The following ARNT variants were observed in gnomAD, a reference collection of about 807,000 sequenced individuals.
ARNT encodes aryl hydrocarbon receptor nuclear translocator, also known as class E basic helix-loop-helix protein 2.
ARNT carries 30 observed loss-of-function variants against 105.0 expected under a neutral mutation model. The observed-to-expected ratio is 0.29, with a 90% CI of 0.21 to 0.39. ARNT has a LOEUF of 0.39. Among genes scored for constraint, ARNT ranks in the 10% least tolerant of loss-of-function variants. The pLI is 1.00. For synonymous variants in ARNT, 304 were observed against 344.0 expected (o/e 0.88, Z 1.29); for missense variants, 748 against 978.7 (o/e 0.76, Z 3.15).
Position 150,814,251 on chromosome 1 carries a change from T to C in ARNT, c.1951-12A>G, listed in dbSNP as rs752600161. 31 of 1,613,340 alleles carry C rather than the reference T, an allele frequency of 1.9e-5. No individual in the cohort carries two copies. The African/African-American group carries it at 3.9e-4, about 20-fold the overall frequency. ...TGGGTAGCCACCTGCTAAAGAGAGA[T>C]GGAGAGGGGATATAGAACAAATACA... On this transcript the variant is annotated splice_polypyrimidine_tract_variant and intron_variant, in intron 19 of 21. Transcript: ENST00000358595.
intron 5 of ARNT, among the ~76,000 whole-genome samples, chr1:150,841,842 G>A (rs1045319391): frequency 1.3e-5 from 2 of 152,148 alleles, no homozygotes; most frequent in African/African-American, 4.8e-5. Flanking sequence ...TTTCTGACAC[G>A]TAAGTACAGA....
rs779585971 is a variant in ARNT at position 150,813,242 on chromosome 1, CGAT to C, written c.2207_2209del (p.His736del). On this transcript the variant is annotated inframe_deletion, in exon 21 of 22. Transcript: ENST00000358595. ...AACATGTTGCTCACTAGAACTTGAA[CGAT>C]GATGAGGCTGCTGGCCCTGCCACTG... The C allele has an allele frequency of 6.2e-7, 1 of 1,613,892 alleles. No individual in the cohort carries two copies. Among genetic ancestry groups the C allele is most frequent in the South Asian group, 1.1e-5 (1 of 90,994 alleles).
At position 150,816,900 on chromosome 1, in the gene ARNT, A is replaced by G. The variant is rs1655999635; in HGVS notation, c.1700-10T>C. Reference sequence around the variant, plus strand: ...ATGCCTTTACTCTGATCTGTGGACCAAAAGGAGTTGGGGAAGGGCCAGTCA... The same window carrying G: ...ATGCCTTTACTCTGATCTGTGGACCGAAAGGAGTTGGGGAAGGGCCAGTCA... On this transcript the variant is annotated splice_polypyrimidine_tract_variant and intron_variant, in intron 17 of 21. Coordinates refer to ENST00000358595, the MANE Select transcript of ARNT (RefSeq NM_001668.4). 1 of 1,606,266 alleles carries G rather than the reference A, an allele frequency of 6.2e-7. No homozygotes were observed. Among genetic ancestry groups the G allele is most frequent in the African/African-American group, 1.3e-5 (1 of 74,222 alleles).
intron 10 of ARNT, chr1:150,831,610 C>A: frequency 3.8e-6 from 2 of 524,334 alleles, no homozygotes; most frequent in Non-Finnish European, 6.6e-6. Flanking sequence ...AATACTGAAT[C>A]ATTTTCCAGC....
At chr1:150,855,014 T>C (rs1664335913) in intron 2 of ARNT, among the ~76,000 whole-genome samples, 1 of 152,120 alleles carries the variant, frequency 6.6e-6, no homozygotes, top group East Asian at 1.9e-4. Flanking sequence ...CAGGCTGGTC[T>C]TGAATTCCTG....
Position 150,811,996 on chromosome 1 carries a change from A to AC in ARNT, c.*24dup. The AC allele has an allele frequency of 7.0e-7, 1 of 1,432,248 alleles. No individual in the cohort carries two copies. The highest frequency in any genetic ancestry group is 1.5e-5 in the South Asian group (1 of 66,370). 88.7% of individuals were successfully genotyped at this position (1,432,248 alleles called of 1,614,324 possible). A position where few individuals can be genotyped will look rare whatever the true frequency, so the allele number is the denominator to read the frequency against. On this transcript the variant is annotated 3_prime_UTR_variant, in exon 22 of 22. Transcript: ENST00000358595. ...AACAAACAGTGATTTTTTCTCCCCC[A>AC]CCCCTTATCCTCACCCCAATAGTTC...
intron 10 of ARNT, 132 bp downstream of exon 10, chr1:150,831,686 C>A: frequency 4.8e-6 from 3 of 622,366 alleles, no homozygotes; most frequent in Non-Finnish European, 8.3e-6. Context: ...TGTACATTTT[C>A]TTTTCCTATT....
At chr1:150,814,856 A>C (rs1332473289) in intron 19 of ARNT, among the ~76,000 whole-genome samples, 1 of 152,156 alleles carries the variant, frequency 6.6e-6, no homozygotes, top group East Asian at 1.9e-4. Flanking sequence ...AACAAACAAC[A>C]AAAAAAGTAC....
At chr1:150,821,264 A>G (rs1425701491) in intron 14 of ARNT, among the ~76,000 whole-genome samples, 4 of 152,204 alleles carry the variant, frequency 2.6e-5, no homozygotes, top group Non-Finnish European at 5.9e-5. Flanking sequence ...TTATAATGTC[A>G]TGACTTTTCC....
intron 1 of ARNT, among the ~76,000 whole-genome samples, chr1:150,868,082 G>C (rs1439079465): frequency 7.9e-5 from 12 of 152,024 alleles, no homozygotes; most frequent in African/African-American, 2.7e-4. Flanking sequence ...TCAAATTGAA[G>C]TAGGAAGGCA....
At chr1:150,817,532 G>T (rs1444575967) in intron 15 of ARNT, 99 bp from the exon 16 acceptor site, 15 of 1,172,292 alleles carry the variant, frequency 1.3e-5, no homozygotes, top group Non-Finnish European at 1.7e-5. Context: ...AACAGGCCGG[G>T]CATGGTGGCT....
intron 4 of ARNT, among the ~76,000 whole-genome samples, chr1:150,845,480 T>C (rs914781598): frequency 1.3e-5 from 2 of 151,240 alleles, no homozygotes; most frequent in Admixed American, 1.3e-4. Flanking sequence ...TGGTGGCAAA[T>C]GCCCATATTC....
intron 1 of ARNT, among the ~76,000 whole-genome samples, chr1:150,875,233 G>T (rs748069778): frequency 2.0e-5 from 3 of 151,478 alleles, no homozygotes; most frequent in Non-Finnish European, 2.9e-5. Flanking sequence ...TGTAATTTTT[G>T]CGATTAATTT....
chr1:150,851,552 C>T (rs1343183000), intron 3 of ARNT, among the ~76,000 whole-genome samples: 4 of 152,258 alleles, frequency 2.6e-5, no homozygotes, highest in Admixed American at 2.6e-4. Context: ...TGATCTATGA[C>T]CTTACCCCCA....
chr1:150,817,800 C>G, intron 15 of ARNT, 120 bp downstream of exon 15: 1 of 734,020 alleles, frequency 1.4e-6, no homozygotes, highest in Admixed American at 3.4e-5. Context: ...GCAATGAGAG[C>G]AAAACTCCTT....
chr1:150,869,381 G>A (rs1407763089), intron 1 of ARNT, among the ~76,000 whole-genome samples: 2 of 151,962 alleles, frequency 1.3e-5, no homozygotes, highest in East Asian at 1.9e-4. Flanking sequence ...CGAGGATGAG[G>A]CAGGAGAATG....
At chr1:150,829,255 A>G (rs1476633151) in intron 11 of ARNT, 28 bp from the exon 12 acceptor site, 1 of 1,604,718 alleles carries the variant, frequency 6.2e-7, no homozygotes. Context: ...AAAATGAGGT[A>G]AAATGATACC....
chr1:150,832,200 A>G, intron 9 of ARNT, 134 bp downstream of exon 9: 1 of 886,754 alleles, frequency 1.1e-6, no homozygotes, highest in Non-Finnish European at 1.8e-6. Flanking sequence ...AGTGGGAGGT[A>G]AGGGATGTTA....
chr1:150,858,433 C>T lies in ARNT; in HGVS notation c.53G>A (p.Gly18Asp). ...PEMTSDVPSL[G>D]PAIASGNSGP... ...AGAGTTTCCAGAGGCAATGGCTGGA[C>T]CCAGTGATGGTACATCTGATGTCAT... The change falls in exon 2 of 22, where the codon GGT becomes GAT. Residue 18 changes from glycine to aspartate, a missense_variant. Coordinates refer to ENST00000358595, the MANE Select transcript of ARNT (RefSeq NM_001668.4). 1 of 1,608,762 alleles carries T rather than the reference C, an allele frequency of 6.2e-7. No individual in the cohort carries two copies. Among genetic ancestry groups the T allele is most frequent in the Non-Finnish European group, 8.5e-7 (1 of 1,177,230 alleles).
Sources: allele counts gnomAD v4.1 joint callset (sites outside exome capture counted in the v4.1 genomes callset), GRCh38; gene constraint gnomAD v4.1.1; transcripts MANE v1.5; gene names NCBI Gene and HGNC (gene_info 2026-07-23, HGNC 2026-07-21).